ITGB2: variants seen among roughly 807,000 people sequenced by gnomAD.
ITGB2 encodes the protein integrin beta-2.
Under a neutral mutation model 86.8 loss-of-function variants are expected in ITGB2, and 56 were observed. That is an observed-to-expected ratio of 0.65 (90% CI 0.52 to 0.81). The LOEUF (loss-of-function observed/expected upper bound fraction) is 0.81, where lower values mean the gene tolerates loss of function less well. ITGB2 is among the 30% of genes least tolerant of loss of function. The pLI is 0.00. For synonymous variants in ITGB2, 457 were observed against 450.4 expected (o/e 1.01, Z -0.19); for missense variants, 948 against 1,061.2 (o/e 0.89, Z 1.48).
intron 1 of ITGB2, among the ~76,000 whole-genome samples, chr21:44,915,585 G>T (rs2084197422): frequency 6.6e-6 from 1 of 152,204 alleles, no homozygotes; most frequent in Admixed American, 6.5e-5. Context: ...GAAGGCTCAA[G>T]GGATGATTAT....
At chr21:44,910,872 A>T (rs1601323471) in intron 1 of ITGB2, 87 bp from the exon 2 acceptor site, 1 of 1,378,934 alleles carries the variant, frequency 7.3e-7, no homozygotes, top group African/African-American at 1.4e-5. Context: ...CTGGCCTGGG[A>T]CAAGGAGCTG....
At chr21:44,928,622 G>A (rs530433499) in intron 1 of ITGB2, 10 of 150,164 alleles carry the variant, frequency 6.7e-5, no homozygotes, top group South Asian at 5.8e-4. Flanking sequence ...GGGTCGGGTC[G>A]GGTCGGGTTG....
Position 44,926,326 on chromosome 21 carries a change from G to A in ITGB2, c.-4+2328C>T, listed in dbSNP as rs910390949. Among the ~76,000 whole-genome samples the A allele has an allele frequency of 4.6e-5, 7 of 152,186 alleles. No homozygotes were observed. The South Asian group carries it at 6.2e-4, about 13-fold the overall frequency. On this transcript the variant is annotated intron_variant, in intron 1 of 15. Transcript: ENST00000355153. ...AGGCTGGAAGTCAGAGGCTGTGCACGTTTTTCTTTGTGGAGACAAGTGAGT... is the reference window on the plus strand; with the variant it reads ...AGGCTGGAAGTCAGAGGCTGTGCACATTTTTCTTTGTGGAGACAAGTGAGT...
intron 4 of ITGB2, 65 bp from the exon 5 acceptor site, chr21:44,903,600 G>A: frequency 6.3e-7 from 1 of 1,591,218 alleles, no homozygotes; most frequent in Non-Finnish European, 8.6e-7. Flanking sequence ...CTGGGGGCGT[G>A]TGGCCCCGAG....
intron 3 of ITGB2, among the ~76,000 whole-genome samples, chr21:44,907,713 G>A (rs987476344): frequency 1.3e-5 from 2 of 152,200 alleles, no homozygotes; most frequent in African/African-American, 4.8e-5. Flanking sequence ...AAGGGTGCTG[G>A]TGATGCGGGG....
Position 44,903,386 on chromosome 21 carries a change from T to C in ITGB2, c.478A>G (p.Ile160Val). 6.2e-7 allele frequency: 1 copy of C among 1,614,010 alleles called. No individual in the cohort carries two copies. The highest frequency in any genetic ancestry group is 8.5e-7 in the Non-Finnish European group (1 of 1,179,948). ...GGDLLRALNE[I>V]TESGRIGFGS... ...TCACCAATGCGGCCGGACTCGGTGA[T>C]CTCGTTGAGGGCCCGGAGCAGGTCG... is the stretch of plus-strand genomic sequence containing the variant. Residue 160 changes from isoleucine (I) to valine (V), a missense_variant, in exon 5 of 16, where the codon ATC becomes GTC. Coordinates refer to ENST00000652462, the MANE Select transcript of ITGB2 (RefSeq NM_000211.5).
chr21:44,901,678 A>T lies in ITGB2; in HGVS notation c.555T>A (p.Asp185Glu). The T allele has an allele frequency of 6.2e-7, 1 of 1,614,072 alleles. No homozygotes were observed. The highest frequency in any genetic ancestry group is 8.5e-7 in the Non-Finnish European group (1 of 1,179,898). ...TVLPFVNTHP[D>E]KLRNPCPNKE... ...TGTTGGGGCATGGGTTTCGCAGCTT[A>T]TCAGGGTGCGTGTTCACGAACGGCA... The change falls in exon 6 of 16, where the codon GAT (aspartate) becomes GAA (glutamate). Residue 185 changes from aspartate (D) to glutamate (E), a missense_variant. By Grantham distance (45) the Asp-to-Glu change is conservative. Transcript: ENST00000652462.
chr21:44,908,325 T>C (rs1037352689), intron 3 of ITGB2: 1 of 470,852 alleles, frequency 2.1e-6, no homozygotes, highest in Non-Finnish European at 3.8e-6. Flanking sequence ...AGCAAAAAGT[T>C]GGAAAGAAAC....
chr21:44,926,279 C>T (rs943436980), intron 1 of ITGB2, among the ~76,000 whole-genome samples: 2 of 152,210 alleles, frequency 1.3e-5, no homozygotes, highest in East Asian at 1.9e-4. Flanking sequence ...TACTATCCCC[C>T]ATCTGATGTG....
chr21:44,917,907 G>C (rs2084235238), intron 1 of ITGB2, among the ~76,000 whole-genome samples: 1 of 152,188 alleles, frequency 6.6e-6, no homozygotes, highest in Non-Finnish European at 1.5e-5. Context: ...GGTGGGCAGG[G>C]GCCTCAGCTC....
intron 4 of ITGB2, among the ~76,000 whole-genome samples, chr21:44,906,076 A>G (rs1371270479): frequency 1.3e-5 from 2 of 151,840 alleles, no homozygotes; most frequent in African/African-American, 2.4e-5. Context: ...TCCTTCTCCC[A>G]TCTGCTGCAC....
At chr21:44,923,175 T>C (rs747734602), upstream of ITGB2, among the ~76,000 whole-genome samples, 3 of 152,136 alleles carry the variant, frequency 2.0e-5, no homozygotes, top group Admixed American at 6.5e-5. Flanking sequence ...TTAGATGACA[T>C]CGTAGGGATG....
chr21:44,897,123 G>A (rs1014710539), intron 8 of ITGB2, among the ~76,000 whole-genome samples: 7 of 152,262 alleles, frequency 4.6e-5, no homozygotes, highest in Admixed American at 1.3e-4. Flanking sequence ...CCCCCATCCC[G>A]TGTCTCCCGC....
At chr21:44,912,648 G>T (rs553138173) in intron 1 of ITGB2, among the ~76,000 whole-genome samples, 12 of 152,256 alleles carry the variant, frequency 7.9e-5, no homozygotes, top group African/African-American at 2.9e-4. Flanking sequence ...ATCGTTGGGG[G>T]TTGTGGTTCA....
At chr21:44,895,116 CACG>C in intron 8 of ITGB2, 56 bp from the exon 9 acceptor site, 2 of 1,292,782 alleles carry the variant, frequency 1.5e-6, no homozygotes, top group South Asian at 2.4e-5. Flanking sequence ...ACGGCATCTC[CACG>C]CACTGGGCTC....
intron 1 of ITGB2, chr21:44,914,067 C>G (rs542927840): frequency 6.5e-6 from 1 of 152,700 alleles, no homozygotes; most frequent in African/African-American, 2.4e-5. Context: ...CCCTGCTGCC[C>G]CACACTGGGG....
In ITGB2 at chr21:44,899,744, A is replaced by G. The variant is rs868074080; in HGVS notation, c.897+576T>C. Among the ~76,000 whole-genome samples, 29 of 152,300 alleles carry G rather than the reference A, an allele frequency of 1.9e-4. 1 individual carries two copies. In the South Asian group the frequency reaches 3.3e-3, roughly 17 times the overall value. On this transcript the variant is annotated intron_variant, in intron 7 of 15. Transcript: ENST00000652462. ...CCAGAAGTCCTGGCCCCTCTGAGCC[A>G]TTGAGATGCCTCCGCAGAGAGGCTC...
chr21:44,887,872 G>C (rs1006383890), intron 14 of ITGB2, among the ~76,000 whole-genome samples: 1 of 152,202 alleles, frequency 6.6e-6, no homozygotes, highest in Admixed American at 6.5e-5. Context: ...CGCCTGCCTC[G>C]GGTCCCTTCC....
intron 13 of ITGB2, 160 bp from the exon 14 acceptor site, chr21:44,889,055 T>C (rs1274300306): frequency 1.4e-6 from 1 of 711,308 alleles, no homozygotes; most frequent in Non-Finnish European, 2.4e-6. Context: ...GTGCAGCGGG[T>C]GAACTGGAAG....
Sources: allele counts gnomAD v4.1 joint callset (sites outside exome capture counted in the v4.1 genomes callset), GRCh38; gene constraint gnomAD v4.1.1; transcripts MANE v1.5; gene names NCBI Gene and HGNC (gene_info 2026-07-23, HGNC 2026-07-21).